The following ACOT1 variants were observed in gnomAD, a reference collection of about 807,000 sequenced individuals.
ACOT1 encodes the protein acyl-coenzyme A thioesterase 1.
ACOT1 carries 8 observed loss-of-function variants against 15.7 expected under a neutral mutation model. That is an observed-to-expected ratio of 0.51 (90% confidence interval 0.30 to 0.92). The LOEUF (loss-of-function observed/expected upper bound fraction) is 0.92, where lower values mean the gene tolerates loss of function less well. Ranked by LOEUF, ACOT1 falls within the 40% of genes least tolerant of loss-of-function variation. The pLI is 0.06. For missense variants in ACOT1, 151 were observed against 539.4 expected, an observed-to-expected ratio of 0.28 and a Z score of 7.13; for synonymous variants, 67 against 241.2, an observed-to-expected ratio of 0.28 and a Z score of 6.69.
the ACOT1 span, chr14:73,512,232 C>A: frequency 6.7e-7 from 1 of 1,488,360 alleles, no homozygotes. Flanking sequence ...AAGAAGTCTG[C>A]CCTTCACCCA....
chr14:73,496,470 C>G, the ACOT1 span: 1 of 609,454 alleles, frequency 1.6e-6, no homozygotes, highest in South Asian at 2.1e-5. Context: ...GATGTGGCAT[C>G]TGTGTCTGGG....
the ACOT1 span, among the ~76,000 whole-genome samples, chr14:73,507,031 G>A: frequency 6.6e-6 from 1 of 151,904 alleles, no homozygotes; most frequent in Non-Finnish European, 1.5e-5. Context: ...TTGAATTCCT[G>A]ACCTCAGGTG....
At chr14:73,506,243 AGT>A in the ACOT1 span, among the ~76,000 whole-genome samples, 1 of 152,210 alleles carries the variant, frequency 6.6e-6, no homozygotes, top group Non-Finnish European at 1.5e-5. Context: ...ATTGTGGATC[AGT>A]TACCAACAGT....
the ACOT1 span, among the ~76,000 whole-genome samples, chr14:73,526,206 G>A: frequency 3.3e-5 from 5 of 152,166 alleles, no homozygotes; most frequent in Non-Finnish European, 7.4e-5. Flanking sequence ...ACTACACTGA[G>A]CAGAATTCTG....
upstream of ACOT1, among the ~76,000 whole-genome samples, chr14:73,535,465 CTTTCTTTTTTTTTTTTTTTTTTTTTTTT>C: frequency 6.3e-5 from 1 of 15,806 alleles, no homozygotes; most frequent in South Asian, 2.5e-3. Context: ...TCTTTTTCTT[CTTTCTTTTTTTTTTTTTTTTTTTTTTTT>C]TTTTTTTTTT....
the ACOT1 span, chr14:73,520,973 A>G: frequency 4.3e-6 from 7 of 1,613,746 alleles, no homozygotes; most frequent in Non-Finnish European, 5.9e-6. Flanking sequence ...TTTCATGGAT[A>G]TCCTCAGTGC....
the ACOT1 span, among the ~76,000 whole-genome samples, chr14:73,499,995 C>T: frequency 2.0e-5 from 3 of 152,228 alleles, no homozygotes; most frequent in African/African-American, 7.2e-5. Context: ...TTTGGGAGGC[C>T]GAGGCGGGCG....
the ACOT1 span, chr14:73,506,449 G>A: frequency 6.3e-7 from 1 of 1,589,986 alleles, no homozygotes; most frequent in Non-Finnish European, 8.6e-7. Context: ...TGTCCTGGAG[G>A]CAAAGAAAGA....
At chr14:73,535,465 C>CTT (rs1888827549), upstream of ACOT1, among the ~76,000 whole-genome samples, 3 of 15,806 alleles carry the variant, frequency 1.9e-4, no homozygotes, top group South Asian at 2.5e-3. Flanking sequence ...TCTTTTTCTT[C>CTT]TTTCTTTTTT....
the ACOT1 span, among the ~76,000 whole-genome samples, chr14:73,527,981 AAAAAG>A: frequency 1.3e-5 from 2 of 151,500 alleles, no homozygotes; most frequent in Non-Finnish European, 2.9e-5. Flanking sequence ...AAAAAAAAAA[AAAAAG>A]GAGTGATTTA....
chr14:73,527,920 C>G, the ACOT1 span, among the ~76,000 whole-genome samples: 1 of 141,926 alleles, frequency 7.0e-6, no homozygotes. Flanking sequence ...CAGAGGTTGC[C>G]ACCGTACTCC....
At chr14:73,529,533 C>G in the ACOT1 span, among the ~76,000 whole-genome samples, 4 of 151,976 alleles carry the variant, frequency 2.6e-5, no homozygotes, top group Non-Finnish European at 1.5e-5. Context: ...CTTCCTAGAT[C>G]CCCAACTAGA....
chr14:73,524,337 T>TATA, the ACOT1 span, among the ~76,000 whole-genome samples: 1 of 116,798 alleles, frequency 8.6e-6, no homozygotes, highest in Non-Finnish European at 1.8e-5. Flanking sequence ...ATATATATAT[T>TATA]ATAGCTGTAA....
At chr14:73,500,488 A>G in the ACOT1 span, 1 of 1,507,598 alleles carries the variant, frequency 6.6e-7, no homozygotes, top group Non-Finnish European at 9.1e-7. Flanking sequence ...GTGCACAACC[A>G]GGGAAGGTAA....
At chr14:73,508,968 T>TG in the ACOT1 span, among the ~76,000 whole-genome samples, 2 of 151,950 alleles carry the variant, frequency 1.3e-5, no homozygotes, top group East Asian at 3.9e-4. Flanking sequence ...TAAGCATGTA[T>TG]ATATAGGTCT....
chr14:73,518,138 C>T, the ACOT1 span, among the ~76,000 whole-genome samples: 3 of 151,752 alleles, frequency 2.0e-5, no homozygotes, highest in Admixed American at 6.6e-5. Flanking sequence ...AGCTGTCTGG[C>T]GGGTGCCTCC....
At chr14:73,496,508 A>C in the ACOT1 span, 1 of 750,900 alleles carries the variant, frequency 1.3e-6, no homozygotes, top group South Asian at 1.6e-5. Context: ...TATGGTGGGA[A>C]AAAGGGTATG....
the ACOT1 span, among the ~76,000 whole-genome samples, chr14:73,519,788 A>C: frequency 6.6e-6 from 1 of 152,108 alleles, no homozygotes; most frequent in African/African-American, 2.4e-5. Context: ...GAGGCTAAGG[A>C]GGGCGGATCA....
the ACOT1 span, chr14:73,496,747 T>C: frequency 2.3e-6 from 2 of 866,714 alleles, no homozygotes; most frequent in East Asian, 4.8e-5. Flanking sequence ...GGGTAGAAAA[T>C]ATAGGACTTG....
Sources: gnomAD v4.1 joint callset for allele counts (sites outside exome capture counted in the v4.1 genomes callset) on GRCh38, gnomAD v4.1.1 for gene constraint, MANE v1.5 for transcripts, NCBI Gene and HGNC (gene_info 2026-07-23, HGNC 2026-07-21) for gene names.